PTCHD4: variants seen among roughly 807,000 people sequenced by gnomAD.
PTCHD4 encodes the protein patched domain containing 4.
A neutral mutation model predicts 58.1 loss-of-function variants in PTCHD4; 33 were observed. The observed-to-expected ratio is 0.57, with a 90% confidence interval of 0.43 to 0.76. The LOEUF is 0.76. Among genes scored for constraint, PTCHD4 ranks in the 30% least tolerant of loss-of-function variants. The pLI, the probability that PTCHD4 is intolerant of heterozygous loss-of-function variation, is 0.00. For missense variants in PTCHD4, 1,058 were observed against 1,027.1 expected (o/e 1.03, Z -0.41); for synonymous variants, 478 against 409.6 (o/e 1.17, Z -2.02).
intron 3 of PTCHD4, among the ~76,000 whole-genome samples, chr6:48,050,271 C>G (rs1004555029): frequency 3.3e-5 from 5 of 151,892 alleles, no homozygotes; most frequent in African/African-American, 1.2e-4. Flanking sequence ...TGACTAAATT[C>G]CTTCTGGAAA....
intron 4 of PTCHD4, among the ~76,000 whole-genome samples, chr6:47,939,627 C>A (rs976470075): frequency 6.6e-6 from 1 of 152,098 alleles, no homozygotes; most frequent in African/African-American, 2.4e-5. Context: ...TTGTGTGCAA[C>A]GTGACCTTGC....
At chr6:47,901,873 T>A (rs761587456) in intron 4 of PTCHD4, 1 of 1,303,414 alleles carries the variant, frequency 7.7e-7, no homozygotes, top group South Asian at 1.2e-5. Flanking sequence ...TCTCCTTCCT[T>A]CTCTCCTTTC....
intron 4 of PTCHD4, among the ~76,000 whole-genome samples, chr6:47,891,221 C>CAAAA (rs35503136): frequency 8.4e-5 from 7 of 83,320 alleles, no homozygotes; most frequent in South Asian, 4.3e-4. Flanking sequence ...GACTGTGTCT[C>CAAAA]AAAAAAAAAA....
At position 47,870,299 on chromosome 6, in the gene PTCHD4, T is replaced by G. The variant is rs1468409612; in HGVS notation, c.*8004A>C. Among the ~76,000 whole-genome samples the G allele has an allele frequency of 1.3e-5, 2 of 151,606 alleles. No homozygotes were observed. Among genetic ancestry groups the G allele is most frequent in the Admixed American group, 1.3e-4 (2 of 15,168 alleles). On this transcript the variant is annotated 3_prime_UTR_variant, in exon 5 of 5. Transcript: ENST00000339488. Reference sequence around the variant, plus strand: ...TAATAGATTTGTCATGCAGATAAATTATGAGCAATTTAACTAAAATTATTG... The same window carrying G: ...TAATAGATTTGTCATGCAGATAAATGATGAGCAATTTAACTAAAATTATTG...
At position 47,874,694 on chromosome 6, in the gene PTCHD4, A is replaced by G. The variant is rs1033029296; in HGVS notation, c.*3609T>C. On this transcript the variant is annotated 3_prime_UTR_variant, in exon 5 of 5. Coordinates refer to ENST00000339488, the MANE Select transcript of PTCHD4 (RefSeq NM_001384253.1). ...CTCACCTCACAAGGTAAAAACCTAA[A>G]TTCTGTGGAAATAAATGGGAATCAA... 5.9e-5 allele frequency among the ~76,000 whole-genome samples: 9 copies of G among 151,868 alleles called. No homozygotes were observed. Among genetic ancestry groups the G allele is most frequent in the East Asian group, 3.9e-4 (2 of 5,128 alleles).
intron 3 of PTCHD4, among the ~76,000 whole-genome samples, chr6:48,029,398 A>C (rs1763359835): frequency 6.6e-6 from 1 of 152,086 alleles, no homozygotes; most frequent in Non-Finnish European, 1.5e-5. Flanking sequence ...ACTAATGAAA[A>C]AACTGATGGA....
intron 3 of PTCHD4, among the ~76,000 whole-genome samples, chr6:48,044,338 T>C (rs1454711526): frequency 6.6e-6 from 1 of 151,930 alleles, no homozygotes; most frequent in Non-Finnish European, 1.5e-5. Flanking sequence ...AAGTATGTAA[T>C]AGAAACTTGT....
Position 47,865,606 on chromosome 6 carries a change from G to A in PTCHD4, c.*12697C>T, listed in dbSNP as rs1038357418. ...AGGCCATCTTACAGATATAAGTTTT[G>A]TGAATTGTATTTATTTCTTCCTTTT... On this transcript the variant is annotated 3_prime_UTR_variant, in exon 5 of 5. Coordinates refer to ENST00000339488, the MANE Select transcript of PTCHD4 (RefSeq NM_001384253.1). Among the ~76,000 whole-genome samples, 1 of 151,736 alleles carries A rather than the reference G, an allele frequency of 6.6e-6. No individual in the cohort carries two copies. Among genetic ancestry groups the A allele is most frequent in the Non-Finnish European group, 1.5e-5 (1 of 67,852 alleles).
At chr6:48,007,715 C>T (rs144021357) in intron 4 of PTCHD4, among the ~76,000 whole-genome samples, 5 of 152,324 alleles carry the variant, frequency 3.3e-5, no homozygotes, top group African/African-American at 7.2e-5. Flanking sequence ...GACTGTCTTG[C>T]TCATGTCAGT....
In PTCHD4 at chr6:47,861,512, C is replaced by A. The variant is rs574377872; in HGVS notation, c.*16791G>T. 7.0e-4 allele frequency among the ~76,000 whole-genome samples: 107 copies of A among 152,028 alleles called. No individual in the cohort carries two copies. The highest frequency in any genetic ancestry group is 2.4e-3 in the African/African-American group (101 of 41,546). ...TTTAATACACTAATCAATCATTAGG[C>A]ATCCTTGCCTTCCTATCTTACCATT... On this transcript the variant is annotated 3_prime_UTR_variant, in exon 5 of 5. Transcript: ENST00000339488.
intron 4 of PTCHD4, among the ~76,000 whole-genome samples, chr6:47,937,481 A>G (rs1249417443): frequency 6.6e-6 from 1 of 152,162 alleles, no homozygotes; most frequent in Non-Finnish European, 1.5e-5. Flanking sequence ...CTGCTAACCT[A>G]CACAGAAAGG....
chr6:48,093,154 A>G (rs1215818332), intron 1 of PTCHD4, among the ~76,000 whole-genome samples: 3 of 152,192 alleles, frequency 2.0e-5, no homozygotes, highest in Non-Finnish European at 2.9e-5. Flanking sequence ...AAAAGCATTA[A>G]TTCTTGCAGG....
intron 1 of PTCHD4, among the ~76,000 whole-genome samples, chr6:48,075,269 A>G (rs556191367): frequency 1.5e-4 from 23 of 152,318 alleles, no homozygotes; most frequent in African/African-American, 4.1e-4. Flanking sequence ...TTCTAATGGT[A>G]AAATATCCAA....
intron 1 of PTCHD4, among the ~76,000 whole-genome samples, chr6:48,105,442 T>C (rs189110161): frequency 8.5e-5 from 13 of 152,262 alleles, no homozygotes; most frequent in African/African-American, 1.9e-4. Flanking sequence ...TGGGACACTT[T>C]AAAAACAGTG....
chr6:48,012,113 C>G (rs535486621), intron 3 of PTCHD4, among the ~76,000 whole-genome samples: 4 of 152,268 alleles, frequency 2.6e-5, no homozygotes, highest in African/African-American at 7.2e-5. Context: ...TGAGGAAAGT[C>G]AGTGGTAGCT....
intron 1 of PTCHD4, among the ~76,000 whole-genome samples, chr6:48,079,948 C>A (rs1765131052): frequency 7.3e-6 from 1 of 136,418 alleles, no homozygotes; most frequent in Non-Finnish European, 1.6e-5. Flanking sequence ...TTATACAATT[C>A]AAAACCCTGC....
intron 4 of PTCHD4, among the ~76,000 whole-genome samples, chr6:47,921,846 C>A (rs187507177): frequency 6.6e-6 from 1 of 151,434 alleles, no homozygotes; most frequent in Non-Finnish European, 1.5e-5. Flanking sequence ...TAGGGTGGCT[C>A]ATGCCTATAA....
intron 4 of PTCHD4, among the ~76,000 whole-genome samples, chr6:47,948,963 G>A (rs902830798): frequency 6.6e-6 from 1 of 152,164 alleles, no homozygotes; most frequent in East Asian, 1.9e-4. Context: ...GGAACCAATA[G>A]TAAACTGTCA....
intron 1 of PTCHD4, among the ~76,000 whole-genome samples, chr6:48,096,329 T>C (rs533406457): frequency 2.0e-4 from 31 of 152,174 alleles, no homozygotes; most frequent in Admixed American, 6.5e-4. Flanking sequence ...TCCTTGTGCA[T>C]GGCATGGCGT....
Sources: allele counts gnomAD v4.1 joint callset (sites outside exome capture counted in the v4.1 genomes callset), GRCh38; gene constraint gnomAD v4.1.1; transcripts MANE v1.5; gene names NCBI Gene and HGNC (gene_info 2026-07-23, HGNC 2026-07-21).